PDE1A: variants seen among roughly 807,000 people sequenced by gnomAD.
The protein encoded by PDE1A is dual specificity calcium/calmodulin-dependent 3',5'-cyclic nucleotide phosphodiesterase 1A.
PDE1A carries 35 observed loss-of-function variants against 61.7 expected under a neutral mutation model. That is an observed-to-expected ratio of 0.57 (90% CI 0.43 to 0.75). The LOEUF is 0.75. PDE1A is among the 30% of genes least tolerant of loss of function. The pLI is 0.00. For missense variants in PDE1A, 597 were observed against 630.6 expected (o/e 0.95, Z 0.57); for synonymous variants, 232 against 213.2 (o/e 1.09, Z -0.77).
chr2:182,649,749 A>G, the PDE1A span, among the ~76,000 whole-genome samples: 1 of 152,074 alleles, frequency 6.6e-6, no homozygotes, highest in African/African-American at 2.4e-5. Flanking sequence ...AGCTGGGATT[A>G]CAGGCGCCTG....
At chr2:182,258,367 C>A (rs1047638306) in intron 2 of PDE1A, among the ~76,000 whole-genome samples, 2 of 152,096 alleles carry the variant, frequency 1.3e-5, no homozygotes, top group South Asian at 4.1e-4. Flanking sequence ...AGGAACAATT[C>A]ATCAGTCTGA....
chr2:182,194,116 A>T (rs1035069367), intron 10 of PDE1A, among the ~76,000 whole-genome samples: 5 of 152,152 alleles, frequency 3.3e-5, no homozygotes, highest in Non-Finnish European at 7.4e-5. Context: ...TTCTTGGCTA[A>T]CAAGGTAATA....
the PDE1A span, among the ~76,000 whole-genome samples, chr2:182,619,448 A>C: frequency 2.0e-5 from 3 of 152,066 alleles, no homozygotes; most frequent in Non-Finnish European, 4.4e-5. Context: ...ATGACCAGAG[A>C]GGAGAGTAAC....
intron 1 of PDE1A, among the ~76,000 whole-genome samples, chr2:182,296,701 A>C (rs902411193): frequency 6.6e-6 from 1 of 152,204 alleles, no homozygotes; most frequent in African/African-American, 2.4e-5. Flanking sequence ...ATTTTATATC[A>C]ACTTGACATA....
intron 7 of PDE1A, among the ~76,000 whole-genome samples, chr2:182,213,565 G>A (rs1307813355): frequency 4.9e-5 from 5 of 101,502 alleles, no homozygotes; most frequent in African/African-American, 7.5e-5. Flanking sequence ...ATACAGAGAA[G>A]TGCTTAAAGG....
intron 1 of PDE1A, among the ~76,000 whole-genome samples, chr2:182,412,109 G>A (rs545712146): frequency 2.6e-5 from 4 of 151,522 alleles, no homozygotes; most frequent in South Asian, 4.2e-4. Flanking sequence ...TGTTGGAGTC[G>A]AGAAATTCTG....
At chr2:182,638,811 A>G in the PDE1A span, among the ~76,000 whole-genome samples, 3 of 152,218 alleles carry the variant, frequency 2.0e-5, no homozygotes, top group Non-Finnish European at 4.4e-5. Flanking sequence ...CACTGAGATG[A>G]TAAAACTATC....
the PDE1A span, among the ~76,000 whole-genome samples, chr2:182,569,739 A>G: frequency 4.6e-5 from 7 of 152,342 alleles, no homozygotes; most frequent in Middle Eastern, 3.4e-3. Context: ...ATGAGAATGG[A>G]TGTTGGAGCT....
At chr2:182,436,445 T>G (rs1393407840) in intron 2 of PDE1A, among the ~76,000 whole-genome samples, 1 of 152,016 alleles carries the variant, frequency 6.6e-6, no homozygotes, top group East Asian at 1.9e-4. Context: ...AGCCCCATAC[T>G]GGACATATTA....
At chr2:182,265,971 A>C (rs2125796459) in intron 1 of PDE1A, among the ~76,000 whole-genome samples, 1 of 152,276 alleles carries the variant, frequency 6.6e-6, no homozygotes, top group Middle Eastern at 3.4e-3. Flanking sequence ...TTTCAATGCC[A>C]AGGGTGAAGA....
the PDE1A span, among the ~76,000 whole-genome samples, chr2:182,654,839 C>G: frequency 0.16 from 23,953 of 151,936 alleles, 2,525 homozygotes; most frequent in African/African-American, 0.3. Context: ...TTTTCCATTT[C>G]TTGATGTTAA....
At chr2:182,349,017 C>T (rs1698696051) in intron 1 of PDE1A, among the ~76,000 whole-genome samples, 2 of 152,060 alleles carry the variant, frequency 1.3e-5, no homozygotes, top group African/African-American at 4.8e-5. Context: ...ATAGGCATCT[C>T]CAATAAGGAT....
the PDE1A span, among the ~76,000 whole-genome samples, chr2:182,537,353 A>G: frequency 6.6e-6 from 1 of 152,220 alleles, no homozygotes; most frequent in Non-Finnish European, 1.5e-5. Flanking sequence ...TTGCAGGGAC[A>G]TGGATGAAGC....
the PDE1A span, among the ~76,000 whole-genome samples, chr2:182,626,753 A>G: frequency 4.8e-3 from 20 of 4,170 alleles, 4 homozygotes; most frequent in African/African-American, 6.9e-3. Flanking sequence ...ATATACATAT[A>G]TATATATACA....
intron 1 of PDE1A, among the ~76,000 whole-genome samples, chr2:182,384,195 T>C (rs1700892269): frequency 1.3e-5 from 2 of 152,162 alleles, no homozygotes; most frequent in Admixed American, 1.3e-4. Context: ...AGTTTACAAA[T>C]ACTGAAATGA....
downstream of PDE1A, chr2:182,146,994 T>G (rs544273683): frequency 2.3e-6 from 2 of 867,328 alleles, no homozygotes; most frequent in East Asian, 2.5e-5. Flanking sequence ...TGCAAACCAT[T>G]TACTTTAGAA....
chr2:182,531,146 G>A, the PDE1A span, among the ~76,000 whole-genome samples: 1 of 151,170 alleles, frequency 6.6e-6, no homozygotes, highest in South Asian at 2.1e-4. Flanking sequence ...TAAAAATACA[G>A]ATATAGATGA....
chr2:182,678,700 A>G, the PDE1A span, among the ~76,000 whole-genome samples: 1 of 152,190 alleles, frequency 6.6e-6, no homozygotes, highest in Non-Finnish European at 1.5e-5. Flanking sequence ...GATGTTGTTT[A>G]CTATAACAGC....
intron 10 of PDE1A, among the ~76,000 whole-genome samples, chr2:182,199,348 A>G (rs1686413278): frequency 1.3e-5 from 2 of 151,846 alleles, no homozygotes; most frequent in Admixed American, 6.6e-5. Context: ...CCTTCCATCA[A>G]CTTATTTTGA....
Sources: gnomAD v4.1 joint callset for allele counts (sites outside exome capture counted in the v4.1 genomes callset) on GRCh38, gnomAD v4.1.1 for gene constraint, MANE v1.5 for transcripts, NCBI Gene and HGNC (gene_info 2026-07-23, HGNC 2026-07-21) for gene names.